Variants in FRMD6 observed in about 807,000 individuals in gnomAD.
The protein encoded by FRMD6 is FERM domain containing 6, also known as FERM domain-containing protein 6.
FRMD6 carries 37 observed loss-of-function variants against 73.2 expected under a neutral mutation model. The ratio of observed to expected loss-of-function variants is 0.51; its 90% CI spans 0.39 to 0.66. The LOEUF (loss-of-function observed/expected upper bound fraction) is 0.66. Ranked by LOEUF, FRMD6 falls within the 30% of genes least tolerant of loss-of-function variation. The pLI is 0.00. For missense variants in FRMD6, 714 were observed against 780.5 expected (o/e 0.91, Z 1.02); for synonymous variants, 273 against 282.2 (o/e 0.97, Z 0.33).
chr14:51,585,618 T>G (rs907583210), intron 2 of FRMD6, among the ~76,000 whole-genome samples: 1 of 152,068 alleles, frequency 6.6e-6, no homozygotes, highest in Non-Finnish European at 1.5e-5. Flanking sequence ...TTTCCTCATC[T>G]ATAAGATAGG....
the FRMD6 span, among the ~76,000 whole-genome samples, chr14:51,412,483 T>A: frequency 6.6e-6 from 1 of 150,944 alleles, no homozygotes; most frequent in African/African-American, 2.5e-5. Context: ...ACAATTTTCA[T>A]GTAAGAGAGG....
At chr14:51,646,060 T>G (rs572924364) in intron 2 of FRMD6, among the ~76,000 whole-genome samples, 5 of 151,962 alleles carry the variant, frequency 3.3e-5, no homozygotes, top group African/African-American at 9.6e-5. Flanking sequence ...GGCTCAAGCC[T>G]GTAATCCCAG....
chr14:51,457,800 G>A, the FRMD6 span, among the ~76,000 whole-genome samples: 1 of 152,250 alleles, frequency 6.6e-6, no homozygotes, highest in South Asian at 2.1e-4. Flanking sequence ...CACCTTGAGA[G>A]AGTATGTGTT....
At chr14:51,692,888 A>C (rs1482595510) in intron 2 of FRMD6, 2 of 152,178 alleles carry the variant, frequency 1.3e-5, no homozygotes, top group African/African-American at 2.4e-5. Context: ...CATCTGCCCT[A>C]AATAGATGCT....
chr14:51,535,469 T>C (rs1395636642), intron 1 of FRMD6, among the ~76,000 whole-genome samples: 1 of 152,230 alleles, frequency 6.6e-6, no homozygotes, highest in African/African-American at 2.4e-5. Context: ...ATTATGGACA[T>C]GGAATATGTA....
the FRMD6 span, among the ~76,000 whole-genome samples, chr14:51,469,344 T>C: frequency 3.3e-5 from 5 of 150,612 alleles, no homozygotes; most frequent in Non-Finnish European, 7.4e-5. Context: ...CTGGGCCCTA[T>C]GGCTCACGCC....
At chr14:51,674,085 G>A (rs1894209654) in intron 1 of FRMD6, among the ~76,000 whole-genome samples, 1 of 152,164 alleles carries the variant, frequency 6.6e-6, no homozygotes, top group African/African-American at 2.4e-5. Flanking sequence ...AGACTCATTA[G>A]AGGGAGTTTC....
intron 11 of FRMD6, 145 bp from the exon 12 acceptor site, chr14:51,721,804 G>A (rs1897632511): frequency 1.5e-6 from 1 of 649,964 alleles, no homozygotes; most frequent in Non-Finnish European, 2.4e-6. Context: ...GTTGAAAATG[G>A]TCCCTGGAGT....
intron 10 of FRMD6, 39 bp downstream of exon 10, chr14:51,715,538 T>G (rs1897191698): frequency 6.6e-7 from 1 of 1,516,670 alleles, no homozygotes; most frequent in Non-Finnish European, 8.9e-7. Flanking sequence ...AATTGTACCT[T>G]TGCCACCTGT....
At chr14:51,489,031 A>G (rs1882848581), upstream of FRMD6, 1 of 152,258 alleles carries the variant, frequency 6.6e-6, no homozygotes, top group Non-Finnish European at 1.5e-5. Context: ...GGCTCGCCCA[A>G]AAAGTTATGT....
chr14:51,586,178 G>T (rs545667787), intron 2 of FRMD6, among the ~76,000 whole-genome samples: 1 of 151,822 alleles, frequency 6.6e-6, no homozygotes, highest in African/African-American at 2.4e-5. Flanking sequence ...TACAAAGGTT[G>T]TACTAATTTA....
chr14:51,554,459 A>G (rs1406350526), intron 1 of FRMD6, among the ~76,000 whole-genome samples: 1 of 152,174 alleles, frequency 6.6e-6, no homozygotes, highest in Non-Finnish European at 1.5e-5. Context: ...TACAGTGGGG[A>G]AACCTTACAA....
Position 51,715,513 on chromosome 14 carries a change from TG to T in FRMD6, c.1024+18del. The T allele has an allele frequency of 6.3e-7, 1 of 1,581,840 alleles. No individual in the cohort carries two copies. The highest frequency in any genetic ancestry group is 1.2e-5 in the South Asian group (1 of 86,826). On this transcript the variant is annotated intron_variant, in intron 10 of 13. Transcript: ENST00000344768. ...AGGAAAACGAAGGTATTGCAGGGTC[TG>T]GGGTGTGGAAGCAAATTGTACCTTT...
At chr14:51,413,875 A>G in the FRMD6 span, among the ~76,000 whole-genome samples, 2 of 152,142 alleles carry the variant, frequency 1.3e-5, no homozygotes, top group African/African-American at 4.8e-5. Flanking sequence ...ATGGTATCTC[A>G]CTGTGGTTTT....
chr14:51,493,236 C>T (rs1041462687), intron 1 of FRMD6, among the ~76,000 whole-genome samples: 10 of 152,304 alleles, frequency 6.6e-5, no homozygotes, highest in Admixed American at 4.6e-4. Flanking sequence ...TTGATCTTAG[C>T]AATATGTGTT....
intron 1 of FRMD6, among the ~76,000 whole-genome samples, chr14:51,553,915 C>G (rs1457628099): frequency 6.6e-6 from 1 of 152,096 alleles, no homozygotes; most frequent in Non-Finnish European, 1.5e-5. Flanking sequence ...AAATAGCACC[C>G]TAATATCTTA....
the FRMD6 span, among the ~76,000 whole-genome samples, chr14:51,403,518 A>G: frequency 1.8e-4 from 27 of 152,032 alleles, no homozygotes; most frequent in Admixed American, 1.6e-3. Flanking sequence ...TTCCCACTTC[A>G]GCCTCCCTGG....
chr14:51,617,077 T>TG (rs929220427), intron 2 of FRMD6, among the ~76,000 whole-genome samples: 7 of 152,240 alleles, frequency 4.6e-5, no homozygotes, highest in Admixed American at 3.9e-4. Context: ...GAGTGCCATG[T>TG]GGAAGCCCCC....
the FRMD6 span, among the ~76,000 whole-genome samples, chr14:51,472,555 A>G: frequency 6.6e-6 from 1 of 152,118 alleles, no homozygotes; most frequent in Non-Finnish European, 1.5e-5. Flanking sequence ...TGCCCACCTC[A>G]GCCTCCCAAA....
Sources: allele counts gnomAD v4.1 joint callset (sites outside exome capture counted in the v4.1 genomes callset), GRCh38; gene constraint gnomAD v4.1.1; transcripts MANE v1.5; gene names NCBI Gene and HGNC (gene_info 2026-07-23, HGNC 2026-07-21).